The following PCDHA7 variants were observed in gnomAD, a reference collection of about 807,000 sequenced individuals.
PCDHA7 encodes protocadherin alpha 7, also known as protocadherin alpha-7.
Under a neutral mutation model 57.2 loss-of-function variants are expected in PCDHA7, and 37 were observed. That is an observed-to-expected ratio of 0.65 (90% CI 0.50 to 0.85). The LOEUF is 0.85. Ranked by LOEUF, PCDHA7 falls within the 40% of genes least tolerant of loss-of-function variation. The pLI is 0.00. For synonymous variants in PCDHA7, 553 were observed against 558.8 expected, an observed-to-expected ratio of 0.99 and a Z score of 0.15; for missense variants, 1,188 against 1,241.8, an observed-to-expected ratio of 0.96 and a Z score of 0.65.
intron 1 of PCDHA7, among the ~76,000 whole-genome samples, chr5:140,950,271 T>C (rs1202365274): frequency 6.6e-6 from 1 of 152,058 alleles, no homozygotes; most frequent in Non-Finnish European, 1.5e-5. Flanking sequence ...ATCCATAATG[T>C]CTTTTTGCTT....
intron 3 of PCDHA7, among the ~76,000 whole-genome samples, chr5:140,983,949 T>TA (rs1554245835): frequency 1.3e-5 from 2 of 152,176 alleles, no homozygotes. Flanking sequence ...ACAATTCAAC[T>TA]AAAAGTCACA....
chr5:140,928,409 C>A (rs782636217), intron 1 of PCDHA7: 2 of 1,613,912 alleles, frequency 1.2e-6, no homozygotes, highest in Non-Finnish European at 8.5e-7. Context: ...TCCAGTGGGG[C>A]CATCACTGCC....
intron 1 of PCDHA7, among the ~76,000 whole-genome samples, chr5:140,963,504 G>T (rs1044640224): frequency 4.6e-5 from 7 of 152,222 alleles, no homozygotes; most frequent in Admixed American, 1.3e-4. Flanking sequence ...CAAATCTCTT[G>T]AAGGGGTTCT....
intron 1 of PCDHA7, chr5:140,856,950 T>C: frequency 6.3e-7 from 1 of 1,593,338 alleles, no homozygotes; most frequent in Non-Finnish European, 8.6e-7. Flanking sequence ...ACGGGAGAAA[T>C]AAAAGTAAAT....
At chr5:140,848,855 C>T (rs2150422696) in intron 1 of PCDHA7, 6 of 1,590,444 alleles carry the variant, frequency 3.8e-6, no homozygotes, top group Non-Finnish European at 5.2e-6. Context: ...TCCATGTGGA[C>T]GTGGAGGTGA....
At chr5:140,863,712 G>A (rs2048130795) in intron 1 of PCDHA7, 1 of 282,034 alleles carries the variant, frequency 3.5e-6, no homozygotes, top group East Asian at 9.1e-5. Flanking sequence ...AAGTACACTG[G>A]GGCCGGGTGC....
intron 1 of PCDHA7, among the ~76,000 whole-genome samples, chr5:140,874,231 G>T (rs1554167098): frequency 6.6e-6 from 1 of 152,124 alleles, no homozygotes; most frequent in African/African-American, 2.4e-5. Flanking sequence ...GGAATGAATG[G>T]CAACAAATTA....
At chr5:140,875,250 C>A in intron 1 of PCDHA7, 1 of 1,016,106 alleles carries the variant, frequency 9.8e-7, no homozygotes, top group Non-Finnish European at 1.4e-6. Context: ...CATAATCAGT[C>A]ACATGATGTC....
At chr5:140,857,029 A>C in intron 1 of PCDHA7, 1 of 1,596,504 alleles carries the variant, frequency 6.3e-7, no homozygotes, top group South Asian at 1.1e-5. Flanking sequence ...AGGGAAACCC[A>C]CCTATGGTTG....
At chr5:140,974,815 A>G (rs990559310) in intron 1 of PCDHA7, among the ~76,000 whole-genome samples, 3 of 152,188 alleles carry the variant, frequency 2.0e-5, no homozygotes, top group Non-Finnish European at 4.4e-5. Context: ...GAAGACCAAT[A>G]TGCAACATAA....
rs782468153 is a variant in PCDHA7, at chr5:140,858,011, G to A, written c.2355+21273G>A. ...ACTGGTGCTGGTGAAGGACCATGGCGAGCCGTCGCTGACGGCCACGGCCAC... is the reference window on the plus strand; with the variant it reads ...ACTGGTGCTGGTGAAGGACCATGGCAAGCCGTCGCTGACGGCCACGGCCAC... On this transcript the variant is annotated intron_variant, in intron 1 of 3. Transcript: ENST00000525929. 1.1e-5 allele frequency: 18 copies of A among 1,596,704 alleles called. 1 individual carries two copies. Among genetic ancestry groups the A allele is most frequent in the Non-Finnish European group, 1.5e-5 (17 of 1,167,106 alleles).
At chr5:140,954,305 T>C (rs2153702260) in intron 1 of PCDHA7, among the ~76,000 whole-genome samples, 1 of 152,342 alleles carries the variant, frequency 6.6e-6, no homozygotes, top group South Asian at 2.1e-4. Context: ...TACCCAGTAA[T>C]GGGATTGCTG....
chr5:140,839,247 T>A (rs1421904889), intron 1 of PCDHA7, among the ~76,000 whole-genome samples: 1 of 152,090 alleles, frequency 6.6e-6, no homozygotes, highest in African/African-American at 2.4e-5. Flanking sequence ...GCTTTGCTTT[T>A]ATGCTTACAT....
chr5:140,871,473 A>G, intron 1 of PCDHA7: 2 of 1,600,218 alleles, frequency 1.2e-6, no homozygotes, highest in African/African-American at 1.3e-5. Flanking sequence ...GACAGGAGCC[A>G]GGGTCAAATC....
At chr5:140,958,367 T>C (rs1029042656) in intron 1 of PCDHA7, among the ~76,000 whole-genome samples, 2 of 152,166 alleles carry the variant, frequency 1.3e-5, no homozygotes, top group Admixed American at 6.5e-5. Context: ...TTATCAGGAA[T>C]GTTGCTATTT....
At position 141,011,465 on chromosome 5, in the gene PCDHA7, G is replaced by A. The variant is rs2098420693; in HGVS notation, c.*1528G>A. ...TGAACTTTAAGCTTTATTGTTGAAT[G>A]TAATTCCATTATATTTCCTTTTGTA... On this transcript the variant is annotated 3_prime_UTR_variant, in exon 4 of 4. Transcript: ENST00000525929. The A allele has an allele frequency of 6.5e-6, 1 of 153,770 alleles. No individual in the cohort carries two copies. The highest frequency in any genetic ancestry group is 2.4e-5 in the African/African-American group (1 of 41,452). The allele number at this position is 153,770 out of a possible 1,614,324, so 9.5% of individuals were successfully genotyped here.
intron 1 of PCDHA7, among the ~76,000 whole-genome samples, chr5:140,901,976 T>C (rs1470395593): frequency 6.6e-6 from 1 of 152,164 alleles, no homozygotes; most frequent in African/African-American, 2.4e-5. Context: ...ATGGGATTAC[T>C]TTTTAATTTC....
At chr5:140,924,208 G>T (rs1197265860) in intron 1 of PCDHA7, among the ~76,000 whole-genome samples, 1 of 152,238 alleles carries the variant, frequency 6.6e-6, no homozygotes, top group Non-Finnish European at 1.5e-5. Flanking sequence ...GAAATTTGGT[G>T]AAGAATAAGT....
chr5:140,961,477 G>T (rs2095615587), intron 1 of PCDHA7, among the ~76,000 whole-genome samples: 1 of 152,006 alleles, frequency 6.6e-6, no homozygotes, highest in African/African-American at 2.4e-5. Flanking sequence ...TTTTTGTCTT[G>T]TCCACGTGAG....
Sources: allele counts gnomAD v4.1 joint callset (sites outside exome capture counted in the v4.1 genomes callset), GRCh38; gene constraint gnomAD v4.1.1; transcripts MANE v1.5; gene names NCBI Gene and HGNC (gene_info 2026-07-23, HGNC 2026-07-21).